The following NOL4 variants were observed in gnomAD, a reference collection of about 807,000 sequenced individuals.
NOL4 encodes the protein nucleolar protein 4, also known as cancer/testis antigen 125.
Under a neutral mutation model 75.9 loss-of-function variants are expected in NOL4, and 17 were observed. That is an observed-to-expected ratio of 0.22 (90% confidence interval 0.15 to 0.34). The LOEUF is 0.34. NOL4 is among the 10% of genes least tolerant of loss of function. NOL4 has a pLI of 1.00. For synonymous variants in NOL4, 292 were observed against 289.9 expected, an observed-to-expected ratio of 1.01 and a Z score of -0.07; for missense variants, 614 against 793.5, an observed-to-expected ratio of 0.77 and a Z score of 2.72.
Position 33,909,735 on chromosome 18 carries a change from G to T in NOL4, c.1543-26311C>A, listed in dbSNP as rs2066278184. Among the ~76,000 whole-genome samples the T allele has an allele frequency of 2.0e-5, 3 of 152,152 alleles. No homozygotes were observed. In the South Asian group the frequency reaches 6.2e-4, roughly 32 times the overall value. On this transcript the variant is annotated intron_variant, in intron 9 of 10. Transcript: ENST00000261592. ...TACTAGGCTAGACGGTCATCTGGGT[G>T]CTGGGAATATATCAACAGAAAAAAT...
At chr18:33,853,347 T>C (rs975433460) in intron 10 of NOL4, among the ~76,000 whole-genome samples, 15 of 152,146 alleles carry the variant, frequency 9.9e-5, no homozygotes, top group Non-Finnish European at 2.9e-5. Flanking sequence ...CTGTCTTCCA[T>C]ATGTTGTAGA....
chr18:34,167,225 A>G (rs1269263028), intron 1 of NOL4, among the ~76,000 whole-genome samples: 2 of 151,974 alleles, frequency 1.3e-5, no homozygotes, highest in Non-Finnish European at 2.9e-5. Context: ...TCTATCAGGG[A>G]ATTGAGCATC....
chr18:34,146,127 C>T (rs933935788), intron 1 of NOL4, among the ~76,000 whole-genome samples: 1 of 152,036 alleles, frequency 6.6e-6, no homozygotes, highest in Admixed American at 6.6e-5. Context: ...TCCATTGCAT[C>T]CCTTACACTT....
At chr18:34,126,142 A>G (rs1192670462) in intron 2 of NOL4, among the ~76,000 whole-genome samples, 1 of 152,180 alleles carries the variant, frequency 6.6e-6, no homozygotes, top group Non-Finnish European at 1.5e-5. Flanking sequence ...TTGGACAAAG[A>G]AGGAGAGAAG....
intron 1 of NOL4, among the ~76,000 whole-genome samples, chr18:34,141,133 G>A (rs1362403062): frequency 6.6e-6 from 1 of 152,150 alleles, no homozygotes; most frequent in African/African-American, 2.4e-5. Context: ...CAAGGGAAGT[G>A]AAGGACCTCT....
At chr18:33,995,198 T>C (rs1036179205) in intron 6 of NOL4, among the ~76,000 whole-genome samples, 3 of 151,594 alleles carry the variant, frequency 2.0e-5, no homozygotes, top group African/African-American at 7.2e-5. Context: ...AACAGATGAC[T>C]ATCAATTATT....
rs531200379 is a variant in NOL4, at chr18:33,892,664, T to TTC, written c.1543-9241_1543-9240insGA. On this transcript the variant is annotated intron_variant, in intron 9 of 10. Coordinates refer to ENST00000261592, the MANE Select transcript of NOL4 (RefSeq NM_003787.5). ...TTCTCCTTCTCCTTCTTCTTCTTTT[T>TTC]TTCTTTCCTTTGAGATGGGGTCTTG... Among the ~76,000 whole-genome samples the TTC allele has an allele frequency of 4.7e-3, 712 of 152,110 alleles. 9 individuals are homozygous for TTC. The highest frequency in any genetic ancestry group is 0.016 in the African/African-American group (679 of 41,498).
At chr18:34,075,676 C>A (rs893485974) in intron 5 of NOL4, among the ~76,000 whole-genome samples, 1 of 152,172 alleles carries the variant, frequency 6.6e-6, no homozygotes, top group African/African-American at 2.4e-5. Context: ...ACATTAGAGA[C>A]ACGGTCAAGG....
intron 1 of NOL4, among the ~76,000 whole-genome samples, chr18:34,133,918 G>A (rs1432687434): frequency 6.6e-6 from 1 of 152,070 alleles, no homozygotes; most frequent in Non-Finnish European, 1.5e-5. Flanking sequence ...AGCTACTCAG[G>A]AGGCTGAGGC....
chr18:33,983,911 A>G (rs1375612870), intron 6 of NOL4, among the ~76,000 whole-genome samples: 2 of 152,120 alleles, frequency 1.3e-5, no homozygotes, highest in Non-Finnish European at 2.9e-5. Context: ...AAAAATTAAC[A>G]ATAGAAAAAA....
chr18:34,113,089 C>A lies in NOL4; in HGVS notation c.415-7929G>T, dbSNP rs2079680388. 3.3e-5 allele frequency among the ~76,000 whole-genome samples: 5 copies of A among 152,256 alleles called. No individual in the cohort carries two copies. In the South Asian group the frequency reaches 1.0e-3, roughly 32 times the overall value. ...CAAGTGATCGATCCTCCTGCCTCAG[C>A]CTCCCAATTAGCTAGGACTACAGGT... On this transcript the variant is annotated intron_variant, in intron 2 of 10. Coordinates refer to ENST00000261592, the MANE Select transcript of NOL4 (RefSeq NM_003787.5).
At chr18:33,897,332 T>A (rs751266461) in intron 9 of NOL4, among the ~76,000 whole-genome samples, 1 of 152,186 alleles carries the variant, frequency 6.6e-6, no homozygotes, top group African/African-American at 2.4e-5. Flanking sequence ...ATTGCAACAC[T>A]ATTCATGATA....
chr18:34,197,215 C>T (rs7228757), intron 1 of NOL4, among the ~76,000 whole-genome samples: 4,786 of 152,010 alleles, frequency 0.031, 249 homozygotes, highest in African/African-American at 0.11. Context: ...AAACAGAAAA[C>T]TGAAAGCTAT....
At chr18:34,071,129 T>G (rs2077496110) in intron 5 of NOL4, among the ~76,000 whole-genome samples, 2 of 152,116 alleles carry the variant, frequency 1.3e-5, no homozygotes, top group Admixed American at 6.5e-5. Context: ...ATGATAGATG[T>G]TTTAGGTGGT....
chr18:34,093,081 C>G (rs2078602340), intron 5 of NOL4, among the ~76,000 whole-genome samples: 1 of 152,070 alleles, frequency 6.6e-6, no homozygotes, highest in African/African-American at 2.4e-5. Context: ...AGATAAACAT[C>G]CAAATTAATC....
At position 33,863,033 on chromosome 18, in the gene NOL4, C is replaced by A. The variant is rs547085121; in HGVS notation, c.1724-9998G>T. On this transcript the variant is annotated intron_variant, in intron 10 of 10. Transcript: ENST00000261592. ...CTTGGAACCAAGCCAAATGTCCAAC[C>A]ATGATAGACTGGATTAAGAAAATGT... Among the ~76,000 whole-genome samples, 12 of 152,238 alleles carry A rather than the reference C, an allele frequency of 7.9e-5. 1 individual carries two copies. Among genetic ancestry groups the A allele is most frequent in the East Asian group, 7.7e-4 (4 of 5,170 alleles).
Position 34,215,543 on chromosome 18 carries a change from C to A in NOL4, c.264+7447G>T, listed in dbSNP as rs1368894545. Among the ~76,000 whole-genome samples, 9 of 152,186 alleles carry A rather than the reference C, an allele frequency of 5.9e-5. No individual in the cohort carries two copies. The South Asian group carries it at 1.2e-3, about 21-fold the overall frequency. On this transcript the variant is annotated intron_variant, in intron 1 of 10. Transcript: ENST00000261592. ...AGAGGGAGAAATCAAGGCTGCCATACAAATTTCACCTTGTACAGGTAAGTA... is the reference window on the plus strand; with the variant it reads ...AGAGGGAGAAATCAAGGCTGCCATAAAAATTTCACCTTGTACAGGTAAGTA...
chr18:34,173,879 G>A (rs1456053652), intron 1 of NOL4, among the ~76,000 whole-genome samples: 1 of 152,172 alleles, frequency 6.6e-6, no homozygotes, highest in Non-Finnish European at 1.5e-5. Flanking sequence ...TGAGTGATAT[G>A]TTCACCTTTT....
At chr18:34,206,107 T>A (rs1315969016) in intron 1 of NOL4, among the ~76,000 whole-genome samples, 1 of 152,180 alleles carries the variant, frequency 6.6e-6, no homozygotes. Flanking sequence ...ATGGATTATT[T>A]GGATGAATGT....
Sources: allele counts gnomAD v4.1 joint callset (sites outside exome capture counted in the v4.1 genomes callset), GRCh38; gene constraint gnomAD v4.1.1; transcripts MANE v1.5; gene names NCBI Gene and HGNC (gene_info 2026-07-23, HGNC 2026-07-21).